The following SANBR variants were observed in gnomAD, a reference collection of about 807,000 sequenced individuals.
The protein encoded by SANBR is SANT and BTB domain regulator of CSR.
SANBR carries 77 observed loss-of-function variants against 101.8 expected under a neutral mutation model. The ratio of observed to expected loss-of-function variants is 0.76; its 90% confidence interval spans 0.63 to 0.91. The LOEUF (loss-of-function observed/expected upper bound fraction) is 0.91, where lower values mean the gene tolerates loss of function less well. Among genes scored for constraint, SANBR ranks in the 40% least tolerant of loss-of-function variants. The probability of loss-of-function intolerance (pLI) is 0.00; values close to 1 mark genes in which losing one functional copy is unlikely to be tolerated. For missense variants in SANBR, 875 were observed against 853.0 expected (o/e 1.03, Z -0.32); for synonymous variants, 279 against 274.7 (o/e 1.02, Z -0.15).
chr2:61,097,838 A>G lies in SANBR; in HGVS notation c.1351A>G (p.Thr451Ala), dbSNP rs752508049. 2 of 1,612,006 alleles carry G rather than the reference A, an allele frequency of 1.2e-6. No homozygotes were observed. The highest frequency in any genetic ancestry group is 1.7e-6 in the Non-Finnish European group (2 of 1,178,902). Reference sequence around the variant, plus strand: ...CCAAAAGGTTCTTCGGTTTGATCCTACTCAGCTTACAAAGGTGAATTTTGA... The same window carrying G: ...CCAAAAGGTTCTTCGGTTTGATCCTGCTCAGCTTACAAAGGTGAATTTTGA... ...CNQKVLRFDP[T>A]QLTKGCKVRD... is the part of the protein sequence containing the mutation. The change falls in exon 12 of 22, where the codon ACT (threonine) becomes GCT (alanine). Residue 451 changes from threonine (T) to alanine (A), a missense_variant. By Grantham distance (58) the Thr-to-Ala change is moderately conservative (BLOSUM62 0). Coordinates refer to ENST00000402291, the MANE Select transcript of SANBR (RefSeq NM_001129993.3).
chr2:61,109,356 C>G, intron 16 of SANBR, 60 bp downstream of exon 16: 1 of 933,146 alleles, frequency 1.1e-6, no homozygotes, highest in South Asian at 2.0e-5. Flanking sequence ...CATTCTGAAG[C>G]CTTTAATGCA....
chr2:61,071,798 GT>G lies in SANBR; in HGVS notation c.337+10del, dbSNP rs765670088. The G allele has an allele frequency of 6.4e-7, 1 of 1,570,414 alleles. No individual in the cohort carries two copies. Among genetic ancestry groups the G allele is most frequent in the Non-Finnish European group, 8.7e-7 (1 of 1,155,784 alleles). ...TGATGCAGTTTCCAAAACTGGTAAG[GT>G]TTTAAACTAAAATGTAGTACTTGCC... On this transcript the variant is annotated splice_region_variant and intron_variant, in intron 4 of 21. Transcript: ENST00000402291.
At chr2:61,122,048 C>T in intron 21 of SANBR, 78 bp from the exon 22 acceptor site, 1 of 1,517,018 alleles carries the variant, frequency 6.6e-7, no homozygotes, top group Non-Finnish European at 8.8e-7. Context: ...GTTGCCAAGC[C>T]AACATAATCT....
At position 61,095,610 on chromosome 2, in the gene SANBR, C is replaced by T. The variant is rs575590696; in HGVS notation, c.1213-2090C>T. Among the ~76,000 whole-genome samples, 12 of 152,214 alleles carry T rather than the reference C, an allele frequency of 7.9e-5. No homozygotes were observed. The East Asian group carries it at 2.3e-3, about 29-fold the overall frequency. On this transcript the variant is annotated intron_variant, in intron 11 of 21. Coordinates refer to ENST00000402291, the MANE Select transcript of SANBR (RefSeq NM_001129993.3). ...TTTTGTTTTTATTTGAATTATTTTA[C>T]TAACTTGTTTTTGTTTTTAACCTGT...
chr2:61,096,979 C>A (rs138935313), intron 11 of SANBR, among the ~76,000 whole-genome samples: 1 of 152,060 alleles, frequency 6.6e-6, no homozygotes, highest in Non-Finnish European at 1.5e-5. Context: ...CATGGCAAAA[C>A]CCTGTCTCTA....
At position 61,070,355 on chromosome 2, in the gene SANBR, G is replaced by C. The variant is rs1345687139; in HGVS notation, c.5G>C (p.Ser2Thr). The C allele has an allele frequency of 1.9e-6, 3 of 1,577,788 alleles. No individual in the cohort carries two copies. The highest frequency in any genetic ancestry group is 2.6e-6 in the Non-Finnish European group (3 of 1,166,948). Residue 2 changes from serine to threonine, a missense_variant, in exon 3 of 22, where the codon AGT becomes ACT. Transcript: ENST00000402291. ...CCCTATCCCTAGTTCCAAAAGATGA[G>C]TCGTGGATATTCAGAAAACAACAAT... is the stretch of plus-strand genomic sequence containing the variant. The part of the protein sequence containing the change: M[S>T]RGYSENNNFL...
At chr2:61,093,063 G>C (rs1237258021) in intron 11 of SANBR, among the ~76,000 whole-genome samples, 4 of 151,816 alleles carry the variant, frequency 2.6e-5, no homozygotes, top group Non-Finnish European at 5.9e-5. Flanking sequence ...AACCCGGGAG[G>C]CAGAGATTGC....
chr2:61,104,774 A>G (rs1683475001), intron 13 of SANBR, among the ~76,000 whole-genome samples: 1 of 151,888 alleles, frequency 6.6e-6, no homozygotes, highest in Admixed American at 6.6e-5. Context: ...ACTCTTTAAA[A>G]GAGGCTGTTC....
At chr2:61,095,004 G>C (rs1276090085) in intron 11 of SANBR, among the ~76,000 whole-genome samples, 2 of 152,132 alleles carry the variant, frequency 1.3e-5, no homozygotes, top group Admixed American at 1.3e-4. Context: ...TTTAACACTT[G>C]CCATGCCTAA....
chr2:61,109,677 G>GTTTTTTTTTTTTTTTTTTTT (rs1363427197), intron 16 of SANBR, among the ~76,000 whole-genome samples: 3 of 109,494 alleles, frequency 2.7e-5, no homozygotes, highest in Non-Finnish European at 3.9e-5. Context: ...TTTTTTTTGT[G>GTTTTTTTTTTTTTTTTTTTT]TTTGTTTTTT....
intron 13 of SANBR, among the ~76,000 whole-genome samples, chr2:61,106,316 A>T (rs1178359172): frequency 6.9e-6 from 1 of 144,890 alleles, no homozygotes; most frequent in Non-Finnish European, 1.5e-5. Context: ...GCTTGTACCC[A>T]GGAGGCAGAG....
chr2:61,110,659 A>G (rs1251516381), intron 16 of SANBR, among the ~76,000 whole-genome samples: 1 of 152,058 alleles, frequency 6.6e-6, no homozygotes, highest in Admixed American at 6.6e-5. Context: ...AGCCTGGGCG[A>G]CACAGCGAGA....
At chr2:61,070,740 T>C (rs1016100365) in intron 3 of SANBR, among the ~76,000 whole-genome samples, 1 of 147,376 alleles carries the variant, frequency 6.8e-6, no homozygotes, top group Non-Finnish European at 1.5e-5. Context: ...ATATTTTATA[T>C]ATAAATATAT....
At chr2:61,113,908 G>C (rs895167392) in intron 16 of SANBR, among the ~76,000 whole-genome samples, 2 of 152,140 alleles carry the variant, frequency 1.3e-5, no homozygotes, top group African/African-American at 4.8e-5. Context: ...AGTTGAGAAA[G>C]TTCCTTTCTG....
Position 61,117,520 on chromosome 2 carries a change from A to G in SANBR, c.1919A>G (p.Gln640Arg). The G allele has an allele frequency of 1.2e-6, 2 of 1,613,578 alleles. No individual in the cohort carries two copies. Among genetic ancestry groups the G allele is most frequent in the Non-Finnish European group, 1.7e-6 (2 of 1,179,610 alleles). The change falls in exon 19 of 22, where the codon CAG (glutamine) becomes CGG (arginine). Residue 640 changes from glutamine (Q) to arginine (R), a missense_variant. By Grantham distance (43) the Gln-to-Arg change is conservative. Coordinates refer to ENST00000402291, the MANE Select transcript of SANBR (RefSeq NM_001129993.3). ...WDATRSLRFN[Q>R]DAQREDDQRR... is the part of the protein sequence containing the mutation. ...GCCACAAGATCCTTGAGATTCAACC[A>G]GGATGCACAAAGAGAAGACGGTAAA...
rs143885491 is a variant in SANBR, at chr2:61,112,338, G to A, written c.1744+3042G>A. ...CTGACCATTTATATATCTTTTTTAT[G>A]AAGTGTTTGTTTAAATCTTTGGCCC... On this transcript the variant is annotated intron_variant, in intron 16 of 21. Coordinates refer to ENST00000402291, the MANE Select transcript of SANBR (RefSeq NM_001129993.3). 7.2e-3 allele frequency among the ~76,000 whole-genome samples: 1,100 copies of A among 152,184 alleles called. 13 individuals are homozygous for A. Among genetic ancestry groups the A allele is most frequent in the African/African-American group, 0.024 (993 of 41,508 alleles).
rs377319472 is a variant in SANBR at position 61,106,512 on chromosome 2, A to T, written c.1512-51A>T. 5.5e-6 allele frequency: 7 copies of T among 1,272,816 alleles called. No homozygotes were observed. The African/African-American group carries it at 1.1e-4, about 19-fold the overall frequency. The allele number at this position is 1,272,816 out of a possible 1,614,324, so 78.8% of individuals were successfully genotyped here. On this transcript the variant is annotated intron_variant, in intron 13 of 21. Coordinates refer to ENST00000402291, the MANE Select transcript of SANBR (RefSeq NM_001129993.3). ...TGTAATAAAAAGATATTCACATTTAAATTTTTAAGAAAGTAAACTCTTCTC... is the reference window on the plus strand; with the variant it reads ...TGTAATAAAAAGATATTCACATTTATATTTTTAAGAAAGTAAACTCTTCTC...
intron 3 of SANBR, among the ~76,000 whole-genome samples, chr2:61,070,734 T>A (rs920191881): frequency 1.4e-5 from 2 of 147,430 alleles, no homozygotes; most frequent in Admixed American, 1.4e-4. Context: ...TATATAATAT[T>A]TTATATATAA....
intron 8 of SANBR, among the ~76,000 whole-genome samples, chr2:61,086,929 G>T (rs927835247): frequency 6.6e-6 from 1 of 152,154 alleles, no homozygotes; most frequent in African/African-American, 2.4e-5. Context: ...TCCAGATTTG[G>T]CTTTTAATAG....
Sources: gnomAD v4.1 joint callset for allele counts (sites outside exome capture counted in the v4.1 genomes callset) on GRCh38, gnomAD v4.1.1 for gene constraint, MANE v1.5 for transcripts, NCBI Gene and HGNC (gene_info 2026-07-23, HGNC 2026-07-21) for gene names.